Variants in LRP4 observed in about 807,000 individuals in gnomAD.
LRP4 encodes the protein LDL receptor related protein 4.
LRP4 carries 95 observed loss-of-function variants against 220.3 expected under a neutral mutation model. That is an observed-to-expected ratio of 0.43 (90% CI 0.37 to 0.51). The LOEUF (loss-of-function observed/expected upper bound fraction) is 0.51, where lower values mean the gene tolerates loss of function less well. Ranked by LOEUF, LRP4 falls within the 20% of genes least tolerant of loss-of-function variation. The pLI, the probability that LRP4 is intolerant of heterozygous loss-of-function variation, is 0.00. For synonymous variants in LRP4, 903 were observed against 954.6 expected (o/e 0.95, Z 1.00); for missense variants, 1,925 against 2,567.0 (o/e 0.75, Z 5.40).
rs774756360 is a variant in LRP4 at position 46,876,647 on chromosome 11, G to A, written c.3365-10C>T. On this transcript the variant is annotated splice_polypyrimidine_tract_variant and intron_variant, in intron 24 of 37. Coordinates refer to ENST00000378623, the MANE Select transcript of LRP4 (RefSeq NM_002334.4). ...TCTGTGGTCTGTAGCCCTGTGGGAA[G>A]TCAAAAGAGCACACTGGCTCCTATT... The A allele has an allele frequency of 5.6e-6, 9 of 1,614,204 alleles. No individual in the cohort carries two copies. The South Asian group carries it at 9.9e-5, about 18-fold the overall frequency.
Position 46,886,185 on chromosome 11 carries a change from C to G in LRP4, c.2425-13G>C. On this transcript the variant is annotated splice_polypyrimidine_tract_variant and intron_variant, in intron 17 of 37. Transcript: ENST00000378623. The stretch of plus-strand genomic sequence containing the variant: ...TATCCACTACCACCTGGGCAGGAAG[C>G]AAAGCTGTATCACCAACTGTACTTC... 1 of 1,612,566 alleles carries G rather than the reference C, an allele frequency of 6.2e-7. No homozygotes were observed. Among genetic ancestry groups the G allele is most frequent in the Non-Finnish European group, 8.5e-7 (1 of 1,178,644 alleles).
rs146362081 is a variant in LRP4 at position 46,868,653 on chromosome 11, G to A, written c.4898C>T (p.Ser1633Leu). ...GCTHLCFARA[S>L]DFVCACPDEP... ...GTCAGGACAGGCACATACGAAGTCC[G>A]AGGCTCTGGCAAAGCAGAGGTGGGT... The change falls in exon 33 of 38, where the codon TCG becomes TTG. Residue 1633 changes from serine to leucine, a missense_variant. By Grantham distance (145) the Ser-to-Leu change is moderately radical. This residue lies in a region of LRP4 where 1,244 missense variants were observed against 1,624.9 expected (regional missense o/e 0.77). Transcript: ENST00000378623. 540 of 1,614,078 alleles carry A rather than the reference G, an allele frequency of 3.3e-4. 1 individual carries two copies. The highest frequency in any genetic ancestry group is 4.5e-4 in the Non-Finnish European group (528 of 1,180,044).
At chr11:46,877,144 T>C (rs544491211) in intron 23 of LRP4, 55 bp downstream of exon 23, 14 of 1,597,192 alleles carry the variant, frequency 8.8e-6, no homozygotes, top group Non-Finnish European at 1.2e-5. Flanking sequence ...GGAAAGACAG[T>C]AATTGTTGAA....
chr11:46,909,183 G>A (rs1003539406), intron 1 of LRP4, among the ~76,000 whole-genome samples: 4 of 152,080 alleles, frequency 2.6e-5, no homozygotes, highest in East Asian at 1.9e-4. Flanking sequence ...TGGGTAGACC[G>A]TGACTACTCA....
At chr11:46,896,120 C>T in intron 9 of LRP4, 90 bp downstream of exon 9, 3 of 1,610,976 alleles carry the variant, frequency 1.9e-6, no homozygotes, top group Non-Finnish European at 2.5e-6. Context: ...CCCAAAGCTG[C>T]AAGAGTCCTG....
intron 25 of LRP4, 99 bp from the exon 26 acceptor site, chr11:46,876,065 C>G (rs1941006798): frequency 7.3e-7 from 1 of 1,372,658 alleles, no homozygotes; most frequent in Non-Finnish European, 1.0e-6. Flanking sequence ...TGAGTACTTA[C>G]AGTATGTCAG....
intron 1 of LRP4, among the ~76,000 whole-genome samples, chr11:46,912,669 G>A (rs1167547119): frequency 3.3e-5 from 5 of 152,216 alleles, no homozygotes; most frequent in Non-Finnish European, 5.9e-5. Context: ...AGGCGTGACA[G>A]GAAGTGGAGC....
intron 37 of LRP4, among the ~76,000 whole-genome samples, chr11:46,860,658 T>C (rs1298299807): frequency 6.6e-6 from 1 of 152,224 alleles, no homozygotes; most frequent in African/African-American, 2.4e-5. Flanking sequence ...AAGACTGTGC[T>C]AGGTGCTTTG....
At chr11:46,916,736 C>T (rs527865125) in intron 1 of LRP4, among the ~76,000 whole-genome samples, 83 of 151,962 alleles carry the variant, frequency 5.5e-4, no homozygotes, top group African/African-American at 2.0e-3. Context: ...TGCCATTTCC[C>T]TTGATCTTTT....
Position 46,876,557 on chromosome 11 carries a change from C to G in LRP4, c.3445G>C (p.Glu1149Gln). ...ATGGACCCGTCCAGGTTGCCCACTT[C>G]AATCCGGTTTGTTCCCGTGTCTGTC... ...YWTDTGTNRI[E>Q]VGNLDGSMRK... The change falls in exon 25 of 38, where the codon GAA (glutamate) becomes CAA (glutamine). Residue 1149 changes from glutamate (E) to glutamine (Q), a missense_variant. Around this residue, in one of 3 missense-constraint regions of LRP4, gnomAD observed 1,244 missense variants for 1,624.9 expected, o/e 0.77. Transcript: ENST00000378623. 1 of 1,614,238 alleles carries G rather than the reference C, an allele frequency of 6.2e-7. No individual in the cohort carries two copies. Among genetic ancestry groups the G allele is most frequent in the Non-Finnish European group, 8.5e-7 (1 of 1,180,048 alleles).
chr11:46,894,864 C>T (rs1430047714), intron 11 of LRP4, 45 bp from the exon 12 acceptor site: 7 of 1,528,448 alleles, frequency 4.6e-6, no homozygotes, highest in African/African-American at 2.7e-5. Context: ...GTTTCAGAGC[C>T]GCCCCTGGTA....
intron 22 of LRP4, 78 bp downstream of exon 22, chr11:46,878,829 G>C: frequency 6.3e-7 from 1 of 1,592,578 alleles, no homozygotes. Flanking sequence ...CCACATTGGA[G>C]CCCATCTGCA....
Position 46,875,474 on chromosome 11 carries a change from C to A in LRP4, c.3907G>T (p.Asp1303Tyr). The part of the protein sequence containing the change: ...LPGLMDMQAV[D>Y]RAQPLGFNKC... Reference sequence around the variant, plus strand: ...CTCTCACCTAGTGGCTGTGCCCGGTCCACAGCCTGCATGTCCATGAGGCCT... The same window carrying A: ...CTCTCACCTAGTGGCTGTGCCCGGTACACAGCCTGCATGTCCATGAGGCCT... Residue 1303 changes from aspartate (D) to tyrosine (Y), a missense_variant, in exon 27 of 38, where the codon GAC (aspartate) becomes TAC (tyrosine). By Grantham distance (160) the Asp-to-Tyr change is radical. Around this residue, in one of 3 missense-constraint regions of LRP4, gnomAD observed 1,244 missense variants for 1,624.9 expected, o/e 0.77. Coordinates refer to ENST00000378623, the MANE Select transcript of LRP4 (RefSeq NM_002334.4). The surrounding 1 kb of genome is among the most constrained non-coding windows in gnomAD (Gnocchi z 4.5). 6.2e-7 allele frequency: 1 copy of A among 1,613,978 alleles called. No homozygotes were observed. Among genetic ancestry groups the A allele is most frequent in the South Asian group, 1.1e-5 (1 of 91,046 alleles).
chr11:46,871,896 G>A (rs1207593756), intron 30 of LRP4, among the ~76,000 whole-genome samples: 3 of 152,078 alleles, frequency 2.0e-5, no homozygotes, highest in Non-Finnish European at 1.5e-5. Context: ...TCATCTTCAG[G>A]AATTTGATTG....
Position 46,899,650 on chromosome 11 carries a change from A to G in LRP4, c.431-147T>C. On this transcript the variant is annotated intron_variant, in intron 4 of 37. Transcript: ENST00000378623. The surrounding 1 kb of genome is among the most constrained non-coding windows in gnomAD (Gnocchi z 5.9). The stretch of plus-strand genomic sequence containing the variant: ...CAGAGTCAGTGCAGACTCTCCAGGG[A>G]GAACGGAGGCCCTGGAGAGACTGGG... The G allele has an allele frequency of 1.3e-6, 1 of 761,484 alleles. No individual in the cohort carries two copies. Among genetic ancestry groups the G allele is most frequent in the Non-Finnish European group, 2.3e-6 (1 of 431,174 alleles). The allele number at this position is 761,484 out of a possible 1,614,324, so 47.2% of individuals were successfully genotyped here. A position where few individuals can be genotyped will look rare whatever the true frequency, so the allele number is the denominator to read the frequency against.
Position 46,918,183 on chromosome 11 carries a change from CCTCT to C in LRP4, c.52+141_52+144del. On this transcript the variant is annotated intron_variant, in intron 1 of 37. Transcript: ENST00000378623. This position sits in a 1 kb window ranked among gnomAD's most constrained non-coding sequence, Gnocchi z 6.0. Reference sequence around the variant, plus strand: ...TGCTGGAGCCGGGGCCGCTCCGGGTCCTCTCCCCTGCACGCAGCCCCAGGGCCAC... The same window carrying C: ...TGCTGGAGCCGGGGCCGCTCCGGGTCCCCCTGCACGCAGCCCCAGGGCCAC... 1.2e-6 allele frequency: 1 copy of C among 820,006 alleles called. No homozygotes were observed. Among genetic ancestry groups the C allele is most frequent in the African/African-American group, 1.8e-5 (1 of 55,296 alleles). 50.8% of individuals were successfully genotyped at this position (820,006 alleles called of 1,614,324 possible).
At chr11:46,915,572 C>G (rs1941935081) in intron 1 of LRP4, among the ~76,000 whole-genome samples, 1 of 152,188 alleles carries the variant, frequency 6.6e-6, no homozygotes, top group Admixed American at 6.6e-5. Context: ...AAGATAGAGT[C>G]TCACTCTGTC....
intron 1 of LRP4, among the ~76,000 whole-genome samples, chr11:46,915,235 C>G (rs568904250): frequency 2.6e-5 from 4 of 152,326 alleles, no homozygotes; most frequent in African/African-American, 9.6e-5. Context: ...GAAAGGAGAC[C>G]AGTCTCAGCT....
At position 46,859,201 on chromosome 11, in the gene LRP4, C is replaced by T. The variant is rs142462686; in HGVS notation, c.5500G>A (p.Gly1834Arg). The T allele has an allele frequency of 1.9e-6, 3 of 1,614,172 alleles. No individual in the cohort carries two copies. Among genetic ancestry groups the T allele is most frequent in the African/African-American group, 1.3e-5 (1 of 75,026 alleles). Residue 1834 changes from glycine to arginine, a missense_variant, in exon 38 of 38, where the codon GGG becomes AGG. This residue lies in a region of LRP4 where 1,244 missense variants were observed against 1,624.9 expected (regional missense o/e 0.77). Coordinates refer to ENST00000378623, the MANE Select transcript of LRP4 (RefSeq NM_002334.4). ...CATACATGATCCCGGAGGAGGCCCC[C>T]CCGTGAGCTTCGCAGTTGCTTGAGG... ...DDLKQLRSSRGGLLRDHVCMK... is the reference protein window; with the variant it reads ...DDLKQLRSSRRGLLRDHVCMK...
Sources: allele counts gnomAD v4.1 joint callset (sites outside exome capture counted in the v4.1 genomes callset), GRCh38; gene constraint gnomAD v4.1.1; regional missense constraint gnomAD v4.1.1; non-coding constraint Gnocchi (gnomAD v3.1); transcripts MANE v1.5; gene names NCBI Gene and HGNC (gene_info 2026-07-23, HGNC 2026-07-21).